Variants in TMEM74 observed in about 807,000 individuals in gnomAD.
The protein encoded by TMEM74 is transmembrane protein 74.
In TMEM74, 13 loss-of-function variants were observed where a neutral mutation model predicts 18.1. That is an observed-to-expected ratio of 0.72 (90% CI 0.47 to 1.14). The LOEUF is 1.14. TMEM74 is among the 50% of genes most tolerant of loss of function. TMEM74 has a pLI of 0.00. For synonymous variants in TMEM74, 159 were observed against 146.6 expected, an observed-to-expected ratio of 1.08 and a Z score of -0.61; for missense variants, 372 against 375.9, an observed-to-expected ratio of 0.99 and a Z score of 0.09.
intron 1 of TMEM74, among the ~76,000 whole-genome samples, chr8:108,712,765 T>A (rs1198236453): frequency 6.6e-6 from 1 of 152,132 alleles, no homozygotes; most frequent in African/African-American, 2.4e-5. Flanking sequence ...TGAAAACTCA[T>A]AACAAGCCTG....
intron 1 of TMEM74, among the ~76,000 whole-genome samples, chr8:108,686,027 A>G (rs1046692852): frequency 6.6e-6 from 1 of 152,194 alleles, no homozygotes; most frequent in Non-Finnish European, 1.5e-5. Context: ...ATTAAACTTA[A>G]ATAAATGTAT....
At chr8:108,662,665 C>T (rs1183238627) in intron 1 of TMEM74, among the ~76,000 whole-genome samples, 1 of 152,072 alleles carries the variant, frequency 6.6e-6, no homozygotes, top group Non-Finnish European at 1.5e-5. Context: ...GGCCTGTGTG[C>T]CCCATTAGGG....
intron 2 of TMEM74, among the ~76,000 whole-genome samples, chr8:108,645,787 A>G (rs1812711847): frequency 6.6e-6 from 1 of 152,122 alleles, no homozygotes; most frequent in Non-Finnish European, 1.5e-5. Context: ...AGAGATAACC[A>G]AGGGATTAAT....
rs149327356 is a variant in TMEM74 at position 108,635,621 on chromosome 8, A to G, written n.264+19672T>C. On this transcript the variant is annotated intron_variant and non_coding_transcript_variant, in intron 2 of 3. Coordinates refer to the TMEM74 transcript ENST00000518838. The stretch of plus-strand genomic sequence containing the variant: ...ACACTGGGTTTATTTTTAATATCAT[A>G]TCTCTCCTCACTTAGAAGGTTTGCA... 8.7e-4 allele frequency among the ~76,000 whole-genome samples: 133 copies of G among 152,190 alleles called. 1 individual carries two copies. The highest frequency in any genetic ancestry group is 3.2e-3 in the African/African-American group (131 of 41,564).
chr8:108,666,391 C>A (rs1486286576), intron 1 of TMEM74, among the ~76,000 whole-genome samples: 5 of 152,120 alleles, frequency 3.3e-5, no homozygotes, highest in African/African-American at 9.7e-5. Flanking sequence ...TTAAAAGCGT[C>A]AAAGTCAAGG....
intron 2 of TMEM74, among the ~76,000 whole-genome samples, chr8:108,649,914 T>G (rs1368132430): frequency 6.6e-6 from 1 of 152,148 alleles, no homozygotes; most frequent in Non-Finnish European, 1.5e-5. Context: ...TTGCCTCGGC[T>G]TTCATAGACA....
At chr8:108,658,171 T>A (rs1029893191) in intron 1 of TMEM74, among the ~76,000 whole-genome samples, 1 of 151,746 alleles carries the variant, frequency 6.6e-6, no homozygotes, top group African/African-American at 2.4e-5. Context: ...AAACACTGGA[T>A]CATCGTGGTA....
chr8:108,632,734 G>T (rs1452226069), intron 2 of TMEM74, among the ~76,000 whole-genome samples: 1 of 151,936 alleles, frequency 6.6e-6, no homozygotes, highest in African/African-American at 2.4e-5. Context: ...GCCTAGGTTT[G>T]CCTCTTGGCT....
Position 108,695,233 on chromosome 8 carries a change from C to T in TMEM74, n.120-39796G>A, listed in dbSNP as rs554378031. ...TTCTGCTTCTTCATCTGGGCTTGAACTGATCACATGAGGAAAAAAAGGTGG... is the reference window on the plus strand; with the variant it reads ...TTCTGCTTCTTCATCTGGGCTTGAATTGATCACATGAGGAAAAAAAGGTGG... On this transcript the variant is annotated intron_variant and non_coding_transcript_variant, in intron 1 of 3. Coordinates refer to the TMEM74 transcript ENST00000518838. 8.9e-4 allele frequency among the ~76,000 whole-genome samples: 136 copies of T among 152,210 alleles called. 1 individual carries two copies. The highest frequency in any genetic ancestry group is 1.5e-3 in the Non-Finnish European group (104 of 68,014).
intron 2 of TMEM74, among the ~76,000 whole-genome samples, chr8:108,609,842 A>G (rs1453186150): frequency 2.0e-5 from 3 of 152,178 alleles, no homozygotes; most frequent in African/African-American, 7.2e-5. Flanking sequence ...CCTTCAAGCA[A>G]TTGCTTAAGC....
intron 1 of TMEM74, among the ~76,000 whole-genome samples, chr8:108,688,569 C>T (rs1382494654): frequency 6.6e-6 from 1 of 152,132 alleles, no homozygotes; most frequent in Non-Finnish European, 1.5e-5. Flanking sequence ...AGCAGGAGTA[C>T]GTATGTGAAT....
intron 1 of TMEM74, among the ~76,000 whole-genome samples, chr8:108,668,160 T>TA (rs1417398662): frequency 2.6e-5 from 4 of 152,154 alleles, no homozygotes; most frequent in East Asian, 3.8e-4. Context: ...ACTCACAGGA[T>TA]AAAAAATCAA....
At chr8:108,616,657 A>C (rs558656195) in intron 2 of TMEM74, among the ~76,000 whole-genome samples, 2 of 152,286 alleles carry the variant, frequency 1.3e-5, no homozygotes, top group South Asian at 4.1e-4. Context: ...TTTTCATGCC[A>C]ACATAAGAAG....
chr8:108,729,987 C>T (rs1813677866), intron 1 of TMEM74, among the ~76,000 whole-genome samples: 2 of 152,180 alleles, frequency 1.3e-5, no homozygotes, highest in African/African-American at 2.4e-5. Flanking sequence ...CCCACGAATA[C>T]TTCCAAAGTA....
intron 1 of TMEM74, among the ~76,000 whole-genome samples, chr8:108,727,907 A>C (rs1813655048): frequency 6.6e-6 from 1 of 152,188 alleles, no homozygotes; most frequent in East Asian, 1.9e-4. Flanking sequence ...CTGGCATACA[A>C]ATAATGAATG....
chr8:108,778,112 T>A (rs1039011990), downstream of TMEM74, among the ~76,000 whole-genome samples: 114 of 152,268 alleles, frequency 7.5e-4, 1 homozygote, highest in Admixed American at 7.5e-3. Flanking sequence ...AAGATGAGAA[T>A]ATTTATGTTC....
chr8:108,673,591 G>A (rs1813024736), intron 1 of TMEM74, among the ~76,000 whole-genome samples: 1 of 152,192 alleles, frequency 6.6e-6, no homozygotes, highest in African/African-American at 2.4e-5. Flanking sequence ...CAAGAAACAG[G>A]AGCACGTATT....
chr8:108,780,168 C>G lies in TMEM74; in HGVS notation c.*4013G>C, dbSNP rs773427192. Among the ~76,000 whole-genome samples the G allele has an allele frequency of 5.3e-5, 8 of 152,184 alleles. No individual in the cohort carries two copies. The highest frequency in any genetic ancestry group is 1.0e-4 in the Non-Finnish European group (7 of 68,020). Reference sequence around the variant, plus strand: ...ACATCTTGCTGTAATAGGTGAACCACTGGCAAAGGTTGTGAATCTTTTTTG... The same window carrying G: ...ACATCTTGCTGTAATAGGTGAACCAGTGGCAAAGGTTGTGAATCTTTTTTG... On this transcript the variant is annotated 3_prime_UTR_variant, in exon 2 of 2. Coordinates refer to ENST00000297459, the MANE Select transcript of TMEM74 (RefSeq NM_153015.3).
At chr8:108,731,460 C>A (rs73309851) in intron 1 of TMEM74, among the ~76,000 whole-genome samples, 2,494 of 152,202 alleles carry the variant, frequency 0.016, 41 homozygotes, top group African/African-American at 0.036. Context: ...TTTCTGCCTG[C>A]CAAAGCATTT....
Sources: allele counts gnomAD v4.1 joint callset (sites outside exome capture counted in the v4.1 genomes callset), GRCh38; gene constraint gnomAD v4.1.1; transcripts MANE v1.5; gene names NCBI Gene and HGNC (gene_info 2026-07-23, HGNC 2026-07-21).